SPEN: variants seen among roughly 807,000 people sequenced by gnomAD.
SPEN encodes spen family transcriptional repressor.
In SPEN, 18 loss-of-function variants were observed where a neutral mutation model predicts 269.9. That is an observed-to-expected ratio of 0.07 (90% CI 0.05 to 0.10). The LOEUF (loss-of-function observed/expected upper bound fraction) is 0.10. Ranked by LOEUF, SPEN falls within the 10% of genes least tolerant of loss-of-function variation. The pLI is 1.00. For synonymous variants in SPEN, 1,726 were observed against 1,765.7 expected (o/e 0.98, Z 0.56); for missense variants, 3,822 against 4,631.2 (o/e 0.83, Z 5.07).
At chr1:15,860,389 G>GTGTGTGTGTA in intron 1 of SPEN, among the ~76,000 whole-genome samples, 1 of 136,136 alleles carries the variant, frequency 7.3e-6, no homozygotes, top group South Asian at 2.2e-4. Flanking sequence ...GTGTGTGTGT[G>GTGTGTGTGTA]TGTGTGTGTG....
In SPEN at chr1:15,939,248, T is replaced by C. The variant is rs1324586568; in HGVS notation, c.10864-48T>C. On this transcript the variant is annotated intron_variant, in intron 14 of 14. Coordinates refer to ENST00000375759, the MANE Select transcript of SPEN (RefSeq NM_015001.3). The surrounding 1 kb of genome is among the most constrained non-coding windows in gnomAD (Gnocchi z 4.1). ...GGGCTCCCCAATGGAAGTGGAGTTG[T>C]GGGGGTGAAGACAGACGGTCCCACT... The C allele has an allele frequency of 1.3e-6, 2 of 1,502,372 alleles. No homozygotes were observed. Among genetic ancestry groups the C allele is most frequent in the Non-Finnish European group, 1.8e-6 (2 of 1,122,138 alleles). 93.1% of individuals were successfully genotyped at this position (1,502,372 alleles called of 1,614,324 possible). A position where few individuals can be genotyped will look rare whatever the true frequency, so the allele number is the denominator to read the frequency against.
chr1:15,933,527 A>G lies in SPEN; in HGVS notation c.7287A>G (p.Pro2429=), dbSNP rs1199472642. The change falls in exon 11 of 15, where the codon CCA becomes CCG. Residue 2429 remains proline, a synonymous_variant. Transcript: ENST00000375759. This position sits in a 1 kb window ranked among gnomAD's most constrained non-coding sequence, Gnocchi z 5.7. ...CTCCAACCAAAGCATCTGTGCCCCCAGACCTTCCCCCACCTCCCCAGCCAG... is the reference window on the plus strand; with the variant it reads ...CTCCAACCAAAGCATCTGTGCCCCCGGACCTTCCCCCACCTCCCCAGCCAG... ...ERTPTKASVP[P]DLPPPPQPAP... The G allele has an allele frequency of 6.2e-7, 1 of 1,613,800 alleles. No homozygotes were observed. The highest frequency in any genetic ancestry group is 1.3e-5 in the African/African-American group (1 of 74,878).
At chr1:15,850,377 C>G (rs1277971625) in intron 1 of SPEN, among the ~76,000 whole-genome samples, 2 of 141,152 alleles carry the variant, frequency 1.4e-5, no homozygotes, top group Non-Finnish European at 3.0e-5. Flanking sequence ...ATCATGTGTC[C>G]CTGAAATTCT....
chr1:15,906,287 A>AACCT (rs986250640), intron 3 of SPEN, among the ~76,000 whole-genome samples: 18 of 152,126 alleles, frequency 1.2e-4, no homozygotes, highest in Non-Finnish European at 2.5e-4. Context: ...GGGAAAGCTA[A>AACCT]ACCTAATTCA....
chr1:15,938,622 A>G, intron 13 of SPEN, 96 bp from the exon 14 acceptor site: 2 of 831,242 alleles, frequency 2.4e-6, no homozygotes, highest in Non-Finnish European at 3.4e-6. Flanking sequence ...GTCATCTCAG[A>G]GGTGGGGGTT....
intron 3 of SPEN, among the ~76,000 whole-genome samples, chr1:15,895,731 A>C (rs891194588): frequency 7.4e-6 from 1 of 134,890 alleles, no homozygotes; most frequent in African/African-American, 2.9e-5. Flanking sequence ...CCCAGGGTGG[A>C]GTGCAGTGGC....
Position 15,936,183 on chromosome 1 carries a change from C to A in SPEN, c.9943C>A (p.His3315Asn). ...EYRYGDIRTY[H>N]PPAQLTHTQF... is the part of the protein sequence containing the mutation. ...CCGGTACGGCGACATCCGCACCTAC[C>A]ACCCCCCGGCCCAGCTCACACACAC... The change falls in exon 11 of 15, where the codon CAC becomes AAC. Residue 3315 changes from histidine to asparagine, a missense_variant. His to Asn is a moderately conservative substitution (Grantham distance 68). Coordinates refer to ENST00000375759, the MANE Select transcript of SPEN (RefSeq NM_015001.3). 1 of 1,599,304 alleles carries A rather than the reference C, an allele frequency of 6.3e-7. No homozygotes were observed. Among genetic ancestry groups the A allele is most frequent in the South Asian group, 1.1e-5 (1 of 89,648 alleles).
intron 1 of SPEN, among the ~76,000 whole-genome samples, chr1:15,857,065 T>A (rs1477300517): frequency 6.6e-6 from 1 of 151,808 alleles, no homozygotes; most frequent in Non-Finnish European, 1.5e-5. Flanking sequence ...CTCCTTCCTG[T>A]ATTTTTTTTT....
At chr1:15,923,094 A>AT (rs1386624443) in intron 10 of SPEN, among the ~76,000 whole-genome samples, 1 of 152,192 alleles carries the variant, frequency 6.6e-6, no homozygotes, top group African/African-American at 2.4e-5. Context: ...AAATAAATAA[A>AT]AACTTCCAAA....
intron 1 of SPEN, among the ~76,000 whole-genome samples, chr1:15,867,404 C>T (rs1294890159): frequency 2.0e-5 from 3 of 152,228 alleles, no homozygotes; most frequent in East Asian, 3.9e-4. Context: ...CACCATGTTG[C>T]GCAGGCTGGT....
chr1:15,901,842 A>T (rs1383763849), intron 3 of SPEN, among the ~76,000 whole-genome samples: 1 of 151,468 alleles, frequency 6.6e-6, no homozygotes, highest in East Asian at 1.9e-4. Context: ...CATTTGCCGT[A>T]TTGAAATTTA....
chr1:15,881,676 A>C (rs948567561), intron 3 of SPEN, among the ~76,000 whole-genome samples: 6 of 152,264 alleles, frequency 3.9e-5, no homozygotes, highest in Admixed American at 3.9e-4. Flanking sequence ...GATTGAAGCA[A>C]GTGTACAGAA....
intron 3 of SPEN, among the ~76,000 whole-genome samples, chr1:15,903,779 C>T (rs1172513148): frequency 6.6e-6 from 1 of 152,114 alleles, no homozygotes; most frequent in Non-Finnish European, 1.5e-5. Context: ...ATGCACTGTG[C>T]CCGGCTTCCA....
chr1:15,898,519 A>ATGATGTAG (rs1172393895), intron 3 of SPEN, among the ~76,000 whole-genome samples: 4 of 148,838 alleles, frequency 2.7e-5, no homozygotes, highest in African/African-American at 9.9e-5. Context: ...AGGTTCATTC[A>ATGATGTAG]TGATGTAGCA....
rs1315974910 is a variant in SPEN at position 15,893,733 on chromosome 1, TA to T, written c.882-15579del. 3.4e-5 allele frequency among the ~76,000 whole-genome samples: 5 copies of T among 148,184 alleles called. No individual in the cohort carries two copies. In the South Asian group the frequency reaches 8.5e-4, roughly 25 times the overall value. On this transcript the variant is annotated intron_variant, in intron 3 of 14. Coordinates refer to ENST00000375759, the MANE Select transcript of SPEN (RefSeq NM_015001.3). ...GGCAACAGAGCGAGACCCTGTCTCT[TA>T]AAAAAAAACAAAAAAAAGCAAGCCA...
intron 3 of SPEN, among the ~76,000 whole-genome samples, chr1:15,878,073 A>C (rs927403379): frequency 6.6e-6 from 1 of 152,048 alleles, no homozygotes; most frequent in Non-Finnish European, 1.5e-5. Context: ...TAAGGACCTT[A>C]ATAAAGTTAT....
chr1:15,904,680 T>C (rs2070938437), intron 3 of SPEN, among the ~76,000 whole-genome samples: 1 of 150,712 alleles, frequency 6.6e-6, no homozygotes, highest in Non-Finnish European at 1.5e-5. Context: ...CTCAAACTTC[T>C]GAGCTCAGGT....
chr1:15,866,366 T>G (rs577665762), intron 1 of SPEN, among the ~76,000 whole-genome samples: 1 of 152,120 alleles, frequency 6.6e-6, no homozygotes, highest in Non-Finnish European at 1.5e-5. Context: ...TTTTGTTTTG[T>G]TTTTTGAGAC....
In SPEN at chr1:15,932,433, A is replaced by G. The variant is rs767960815; in HGVS notation, c.6193A>G (p.Lys2065Glu). The change falls in exon 11 of 15, where the codon AAA (lysine) becomes GAA (glutamate). Residue 2065 changes from lysine (K) to glutamate (E), a missense_variant. By Grantham distance (56) the Lys-to-Glu change is moderately conservative. Around this residue, in one of 16 missense-constraint regions of SPEN, gnomAD observed 727 missense variants for 737.9 expected, o/e 0.99. Transcript: ENST00000375759. The surrounding 1 kb of genome is among the most constrained non-coding windows in gnomAD (Gnocchi z 4.2). Reference sequence around the variant, plus strand: ...AACCGCCCCTGTTGAAGTTGTAGAGAAAAAACCGGCCCCTGAAAAAAACTC... The same window carrying G: ...AACCGCCCCTGTTGAAGTTGTAGAGGAAAAACCGGCCCCTGAAAAAAACTC... ...PETAPVEVVE[K>E]KPAPEKNSKS... The G allele has an allele frequency of 1.1e-5, 18 of 1,613,670 alleles. No homozygotes were observed. In the African/African-American group the frequency reaches 1.7e-4, roughly 16 times the overall value.
Sources: gnomAD v4.1 joint callset for allele counts (sites outside exome capture counted in the v4.1 genomes callset) on GRCh38, gnomAD v4.1.1 for gene constraint, gnomAD v4.1.1 regional missense constraint, Gnocchi (gnomAD v3.1) non-coding constraint, MANE v1.5 for transcripts, NCBI Gene and HGNC (gene_info 2026-07-23, HGNC 2026-07-21) for gene names.